Variants in ADAMTS2 observed in about 807,000 individuals in gnomAD.
ADAMTS2 encodes ADAM metallopeptidase with thrombospondin type 1 motif 2, also known as A disintegrin and metalloproteinase with thrombospondin motifs 2.
In ADAMTS2, 50 loss-of-function variants were observed where a neutral mutation model predicts 123.0. The observed-to-expected ratio is 0.41, with a 90% confidence interval of 0.32 to 0.51. The LOEUF is 0.51. Ranked by LOEUF, ADAMTS2 falls within the 20% of genes least tolerant of loss-of-function variation. ADAMTS2 has a pLI of 0.35. For synonymous variants in ADAMTS2, 678 were observed against 695.4 expected, an observed-to-expected ratio of 0.98 and a Z score of 0.39; for missense variants, 1,494 against 1,705.2, an observed-to-expected ratio of 0.88 and a Z score of 2.18.
At position 179,168,881 on chromosome 5, in the gene ADAMTS2, A is replaced by G. The variant is rs1391946998; in HGVS notation, c.976-10002T>C. Among the ~76,000 whole-genome samples, 3 of 152,310 alleles carry G rather than the reference A, an allele frequency of 2.0e-5. No individual in the cohort carries two copies. In the East Asian group the frequency reaches 5.8e-4, roughly 29 times the overall value. On this transcript the variant is annotated intron_variant, in intron 5 of 21. Transcript: ENST00000251582. Reference sequence around the variant, plus strand: ...GACAGAGAACCACGAGAGCTGGGGCAGGAGGCGTGCACCTCATTTCTCTGC... The same window carrying G: ...GACAGAGAACCACGAGAGCTGGGGCGGGAGGCGTGCACCTCATTTCTCTGC...
At chr5:179,248,049 T>C (rs1192041846) in intron 3 of ADAMTS2, among the ~76,000 whole-genome samples, 1 of 152,148 alleles carries the variant, frequency 6.6e-6, no homozygotes, top group East Asian at 1.9e-4. Context: ...TCTACATTAA[T>C]AGACACACAT....
chr5:179,216,701 C>T (rs576377774), intron 3 of ADAMTS2, among the ~76,000 whole-genome samples: 28 of 152,354 alleles, frequency 1.8e-4, no homozygotes, highest in African/African-American at 4.8e-4. Flanking sequence ...GGGGCAGTGC[C>T]GCCCTCTCCT....
In ADAMTS2 at chr5:179,329,633, G is replaced by A. The variant is rs555566997; in HGVS notation, c.534+14134C>T. ...TTTGAAAGGCTGATACTTTTCTACA[G>A]GCTGAGTAACCAGAAGAAAGCAACT... On this transcript the variant is annotated intron_variant, in intron 2 of 21. Transcript: ENST00000251582. 7.9e-5 allele frequency among the ~76,000 whole-genome samples: 12 copies of A among 152,298 alleles called. No homozygotes were observed. The East Asian group carries it at 2.3e-3, about 29-fold the overall frequency.
rs1194920936 is a variant in ADAMTS2, at chr5:179,307,461, A to G, written c.535-34397T>C. 6.6e-6 allele frequency among the ~76,000 whole-genome samples: 1 copy of G among 152,066 alleles called. No homozygotes were observed. Among genetic ancestry groups the G allele is most frequent in the Non-Finnish European group, 1.5e-5 (1 of 68,008 alleles). ...CCACCACGCAGGGGCTTCCCGGGTC[A>G]TGCTGCACCATCCACTAATAGCACC... On this transcript the variant is annotated intron_variant, in intron 2 of 21. Coordinates refer to ENST00000251582, the MANE Select transcript of ADAMTS2 (RefSeq NM_014244.5). This position sits in a 1 kb window ranked among gnomAD's most constrained non-coding sequence, Gnocchi z 5.6.
chr5:179,322,559 C>T (rs1581274982), intron 2 of ADAMTS2, among the ~76,000 whole-genome samples: 1 of 152,166 alleles, frequency 6.6e-6, no homozygotes, highest in Admixed American at 6.5e-5. Context: ...CCGGGAGACG[C>T]GAGGAGGCCG....
chr5:179,332,194 A>G lies in ADAMTS2; in HGVS notation c.534+11573T>C, dbSNP rs1757500333. On this transcript the variant is annotated intron_variant, in intron 2 of 21. Coordinates refer to ENST00000251582, the MANE Select transcript of ADAMTS2 (RefSeq NM_014244.5). This position sits in a 1 kb window ranked among gnomAD's most constrained non-coding sequence, Gnocchi z 4.2. ...TTTCCAGTTGATTATTAAAGACACA[A>G]CCCAGGAACAGCTGCATGGGAGGGA... Among the ~76,000 whole-genome samples, 1 of 152,178 alleles carries G rather than the reference A, an allele frequency of 6.6e-6. No individual in the cohort carries two copies. Among genetic ancestry groups the G allele is most frequent in the African/African-American group, 2.4e-5 (1 of 41,454 alleles).
At chr5:179,148,116 C>T (rs1474651444) in intron 10 of ADAMTS2, among the ~76,000 whole-genome samples, 5 of 152,076 alleles carry the variant, frequency 3.3e-5, no homozygotes, top group Admixed American at 6.5e-5. Flanking sequence ...AGACTCGGTA[C>T]GACTGGCCTC....
chr5:179,125,200 C>T lies in ADAMTS2; in HGVS notation c.2751-20G>A, dbSNP rs746267397. 16 of 1,609,888 alleles carry T rather than the reference C, an allele frequency of 9.9e-6. No homozygotes were observed. In the Admixed American group the frequency reaches 2.7e-4, roughly 27 times the overall value. On this transcript the variant is annotated intron_variant, in intron 18 of 21. Transcript: ENST00000251582. ...ACCCACCTGCCAGGGCAGAGCGGGG[C>T]ACAGTCAGGCTTCCGCAGCACCTGG...
At position 179,322,569 on chromosome 5, in the gene ADAMTS2, G is replaced by A. The variant is rs751934798; in HGVS notation, c.534+21198C>T. ...AGACACCGGGAGACGCGAGGAGGCC[G>A]TGAGCCAATTCCAGATGACTTGTCA... On this transcript the variant is annotated intron_variant, in intron 2 of 21. Coordinates refer to ENST00000251582, the MANE Select transcript of ADAMTS2 (RefSeq NM_014244.5). Among the ~76,000 whole-genome samples the A allele has an allele frequency of 4.5e-4, 68 of 152,266 alleles. 1 individual carries two copies. The highest frequency in any genetic ancestry group is 1.3e-3 in the African/African-American group (52 of 41,560).
chr5:179,303,350 G>C lies in ADAMTS2; in HGVS notation c.535-30286C>G, dbSNP rs1290064041. On this transcript the variant is annotated intron_variant, in intron 2 of 21. Coordinates refer to ENST00000251582, the MANE Select transcript of ADAMTS2 (RefSeq NM_014244.5). The surrounding 1 kb of genome is among the most constrained non-coding windows in gnomAD (Gnocchi z 4.7). ...GCACGCCTCACCTGCATCCCCCACT[G>C]CCTGCAGCCACCCAAATGCACTGGA... Among the ~76,000 whole-genome samples the C allele has an allele frequency of 6.6e-6, 1 of 152,152 alleles. No homozygotes were observed. Among genetic ancestry groups the C allele is most frequent in the Non-Finnish European group, 1.5e-5 (1 of 68,018 alleles).
At chr5:179,187,463 A>C (rs1764197573) in intron 4 of ADAMTS2, among the ~76,000 whole-genome samples, 1 of 152,270 alleles carries the variant, frequency 6.6e-6, no homozygotes, top group South Asian at 2.1e-4. Flanking sequence ...GTAGGTGCTC[A>C]GTAAACATTT....
intron 11 of ADAMTS2, among the ~76,000 whole-genome samples, chr5:179,139,426 G>A (rs954604710): frequency 7.2e-5 from 11 of 152,134 alleles, no homozygotes; most frequent in Non-Finnish European, 1.5e-4. Context: ...TGAGCATGGG[G>A]ATGCAGCTGG....
rs758961663 is a variant in ADAMTS2 at position 179,232,656 on chromosome 5, G to A, written c.689-24941C>T. 3.9e-4 allele frequency among the ~76,000 whole-genome samples: 60 copies of A among 152,134 alleles called. 2 individuals are homozygous for A. The highest frequency in any genetic ancestry group is 2.9e-5 in the Non-Finnish European group (2 of 68,034). On this transcript the variant is annotated intron_variant, in intron 3 of 21. Coordinates refer to ENST00000251582, the MANE Select transcript of ADAMTS2 (RefSeq NM_014244.5). ...TAAAGTCGGGTGACAATGGCTGCAG[G>A]TCCTGCCACTCAGACGATTCCCACG...
intron 3 of ADAMTS2, among the ~76,000 whole-genome samples, chr5:179,261,049 T>G (rs1422445182): frequency 6.6e-6 from 1 of 152,148 alleles, no homozygotes; most frequent in African/African-American, 2.4e-5. Flanking sequence ...AACAGACTTT[T>G]GTGCAACTAA....
At chr5:179,291,289 G>A (rs993338772) in intron 2 of ADAMTS2, among the ~76,000 whole-genome samples, 2 of 152,224 alleles carry the variant, frequency 1.3e-5, no homozygotes, top group African/African-American at 4.8e-5. Context: ...GTGTTCAGGG[G>A]TGGGCAGTGG....
At chr5:179,203,002 C>T (rs1270603775) in intron 4 of ADAMTS2, among the ~76,000 whole-genome samples, 1 of 152,160 alleles carries the variant, frequency 6.6e-6, no homozygotes, top group Non-Finnish European at 1.5e-5. Context: ...CTGTGCCACC[C>T]CTGGACCCCA....
In ADAMTS2 at chr5:179,175,686, C is replaced by T. The variant is rs926856064; in HGVS notation, c.975+5386G>A. ...CCTCTCCTAACTCTACAAGTTGTAC[C>T]GTGGATTCTTTTAGGTTTTCCCGAC... On this transcript the variant is annotated intron_variant, in intron 5 of 21. Coordinates refer to ENST00000251582, the MANE Select transcript of ADAMTS2 (RefSeq NM_014244.5). This position sits in a 1 kb window ranked among gnomAD's most constrained non-coding sequence, Gnocchi z 4.1. Among the ~76,000 whole-genome samples the T allele has an allele frequency of 1.3e-5, 2 of 152,208 alleles. No individual in the cohort carries two copies. Among genetic ancestry groups the T allele is most frequent in the Admixed American group, 6.5e-5 (1 of 15,282 alleles).
intron 5 of ADAMTS2, among the ~76,000 whole-genome samples, chr5:179,179,512 C>A: frequency 6.6e-6 from 1 of 152,110 alleles, no homozygotes; most frequent in Non-Finnish European, 1.5e-5. Context: ...ACTAATTTAG[C>A]TTTACTCATT....
intron 4 of ADAMTS2, among the ~76,000 whole-genome samples, chr5:179,182,389 C>T (rs968199135): frequency 1.1e-4 from 16 of 152,182 alleles, no homozygotes; most frequent in Admixed American, 6.5e-4. Context: ...CCTGCTGCCA[C>T]GTCAGGCCAG....
Sources: allele counts gnomAD v4.1 joint callset (sites outside exome capture counted in the v4.1 genomes callset), GRCh38; gene constraint gnomAD v4.1.1; non-coding constraint Gnocchi (gnomAD v3.1); transcripts MANE v1.5; gene names NCBI Gene and HGNC (gene_info 2026-07-23, HGNC 2026-07-21).